Variants in GRB2 observed in about 807,000 individuals in gnomAD.
GRB2 encodes growth factor receptor bound protein 2.
Under a neutral mutation model 27.4 loss-of-function variants are expected in GRB2, and 2 were observed. The observed-to-expected ratio is 0.07, with a 90% CI of 0.03 to 0.23. The LOEUF is 0.23. Among genes scored for constraint, GRB2 ranks in the 10% least tolerant of loss-of-function variants. The pLI is 1.00. For synonymous variants in GRB2, 94 were observed against 99.6 expected (o/e 0.94, Z 0.33); for missense variants, 102 against 282.4 (o/e 0.36, Z 4.58).
intron 4 of GRB2, 117 bp downstream of exon 4, chr17:75,325,781 A>C: frequency 9.5e-7 from 1 of 1,058,104 alleles, no homozygotes; most frequent in South Asian, 1.3e-5. Context: ...TGAAATGAAG[A>C]AACTGTTTAG....
chr17:75,398,174 C>G (rs2079040796), intron 1 of GRB2, among the ~76,000 whole-genome samples: 1 of 152,004 alleles, frequency 6.6e-6, no homozygotes, highest in South Asian at 2.1e-4. Context: ...AAAAGAAATG[C>G]AAATTAAAAC....
chr17:75,390,926 G>A (rs2145870770), intron 2 of GRB2, among the ~76,000 whole-genome samples: 1 of 152,284 alleles, frequency 6.6e-6, no homozygotes, highest in South Asian at 2.1e-4. Context: ...TGCTATTCCA[G>A]CAACTTTTAA....
intron 2 of GRB2, among the ~76,000 whole-genome samples, chr17:75,389,256 T>G (rs775983054): frequency 2.0e-5 from 3 of 151,166 alleles, no homozygotes; most frequent in Non-Finnish European, 4.4e-5. Flanking sequence ...AAGCACAAGT[T>G]TCGTCTCCCT....
chr17:75,393,768 G>A lies in GRB2; in HGVS notation c.-137-3C>T. 1 of 662,986 alleles carries A rather than the reference G, an allele frequency of 1.5e-6. No individual in the cohort carries two copies. The highest frequency in any genetic ancestry group is 2.7e-6 in the Non-Finnish European group (1 of 373,834). 41.1% of individuals were successfully genotyped at this position (662,986 alleles called of 1,614,324 possible). On this transcript the variant is annotated splice_region_variant and splice_polypyrimidine_tract_variant and intron_variant, in intron 1 of 5. Coordinates refer to ENST00000316804, the MANE Select transcript of GRB2 (RefSeq NM_002086.5). ...ACTCTGGGACACACAATGCCACCCTGAAGCAGGAGAGGGACGATTAAGAGC... is the reference window on the plus strand; with the variant it reads ...ACTCTGGGACACACAATGCCACCCTAAAGCAGGAGAGGGACGATTAAGAGC...
intron 2 of GRB2, among the ~76,000 whole-genome samples, chr17:75,357,836 G>T (rs985198489): frequency 6.6e-6 from 1 of 152,152 alleles, no homozygotes; most frequent in Non-Finnish European, 1.5e-5. Context: ...CAGGAGAACC[G>T]CTTGAATCTG....
intron 3 of GRB2, among the ~76,000 whole-genome samples, chr17:75,328,633 A>T (rs1160890876): frequency 7.1e-6 from 1 of 141,534 alleles, no homozygotes. Context: ...CAAGAGTGAA[A>T]CTCCATCTCA....
chr17:75,374,240 C>T lies in GRB2; in HGVS notation c.78+19311G>A, dbSNP rs188987008. The stretch of plus-strand genomic sequence containing the variant: ...GGCCATTATGGTTAAACCGTCTCTA[C>T]TAAAAATACAAAAATTAGCCAGACG... On this transcript the variant is annotated intron_variant, in intron 2 of 5. Transcript: ENST00000316804. Among the ~76,000 whole-genome samples, 650 of 151,366 alleles carry T rather than the reference C, an allele frequency of 4.3e-3. 6 individuals carry two copies. The highest frequency in any genetic ancestry group is 0.015 in the African/African-American group (612 of 41,278).
At chr17:75,336,359 C>T (rs912206338) in intron 2 of GRB2, among the ~76,000 whole-genome samples, 1 of 152,182 alleles carries the variant, frequency 6.6e-6, no homozygotes, top group African/African-American at 2.4e-5. Context: ...TTACTGTATA[C>T]ACTTGTTCTT....
intron 3 of GRB2, among the ~76,000 whole-genome samples, chr17:75,332,196 GCT>G (rs2078545864): frequency 1.3e-5 from 2 of 152,276 alleles, no homozygotes; most frequent in East Asian, 1.9e-4. Flanking sequence ...AATATTCACT[GCT>G]CCCAGCAGCC....
intron 2 of GRB2, among the ~76,000 whole-genome samples, chr17:75,350,997 A>T (rs533916822): frequency 6.6e-6 from 1 of 152,252 alleles, no homozygotes; most frequent in African/African-American, 2.4e-5. Context: ...GCAGGGCAGA[A>T]TAAGGACTTG....
intron 2 of GRB2, chr17:75,339,003 G>A: frequency 2.4e-6 from 3 of 1,258,536 alleles, no homozygotes; most frequent in South Asian, 2.4e-5. Flanking sequence ...TCCGGAAAAA[G>A]GCTGAAACCA....
At chr17:75,401,700 C>G (rs2079064948) in intron 1 of GRB2, among the ~76,000 whole-genome samples, 1 of 152,114 alleles carries the variant, frequency 6.6e-6, no homozygotes, top group Admixed American at 6.6e-5. Flanking sequence ...CTCTGTAATC[C>G]CTAGTATCCC....
chr17:75,404,358 G>C (rs2079084063), intron 1 of GRB2, among the ~76,000 whole-genome samples: 1 of 152,110 alleles, frequency 6.6e-6, no homozygotes, highest in Admixed American at 6.6e-5. Flanking sequence ...CCTTCTGGCT[G>C]ACTGCAGGGA....
intron 2 of GRB2, among the ~76,000 whole-genome samples, chr17:75,381,327 G>A (rs1048301387): frequency 1.3e-5 from 2 of 152,090 alleles, no homozygotes; most frequent in Non-Finnish European, 1.5e-5. Context: ...ATTAATGTAA[G>A]CTAAAGTAAT....
intron 3 of GRB2, among the ~76,000 whole-genome samples, chr17:75,328,231 G>A (rs1024789052): frequency 2.0e-5 from 3 of 152,114 alleles, no homozygotes; most frequent in African/African-American, 7.2e-5. Flanking sequence ...GGCTGAGGCA[G>A]GAGAATCACT....
intron 1 of GRB2, among the ~76,000 whole-genome samples, chr17:75,401,280 C>T (rs1029812303): frequency 1.3e-5 from 2 of 151,414 alleles, no homozygotes; most frequent in African/African-American, 4.9e-5. Flanking sequence ...CCCGTCTCTA[C>T]TAAAAATACA....
intron 2 of GRB2, among the ~76,000 whole-genome samples, chr17:75,392,784 T>C (rs1375457339): frequency 6.6e-6 from 1 of 152,208 alleles, no homozygotes; most frequent in Non-Finnish European, 1.5e-5. Context: ...TACAGTCAAT[T>C]GGGTAAACAA....
chr17:75,334,855 CTT>C (rs10545922), intron 2 of GRB2, among the ~76,000 whole-genome samples: 96,582 of 143,730 alleles, frequency 0.67, 35,401 homozygotes, highest in East Asian at 0.85. Flanking sequence ...CTCAAAATAT[CTT>C]TTTTTTTTTT....
intron 1 of GRB2, among the ~76,000 whole-genome samples, chr17:75,398,801 G>A (rs2145876558): frequency 6.6e-6 from 1 of 152,270 alleles, no homozygotes; most frequent in South Asian, 2.1e-4. Flanking sequence ...AGGCTGGAGT[G>A]CAGTGGCGTG....
Sources: gnomAD v4.1 joint callset for allele counts (sites outside exome capture counted in the v4.1 genomes callset) on GRCh38, gnomAD v4.1.1 for gene constraint, MANE v1.5 for transcripts, NCBI Gene and HGNC (gene_info 2026-07-23, HGNC 2026-07-21) for gene names.